Variants in ITSN1 observed in about 807,000 individuals in gnomAD.
ITSN1 encodes intersectin-1.
ITSN1 carries 58 observed loss-of-function variants against 239.8 expected under a neutral mutation model. The ratio of observed to expected loss-of-function variants is 0.24; its 90% confidence interval spans 0.20 to 0.30. ITSN1 has a LOEUF of 0.30. ITSN1 is among the 10% of genes least tolerant of loss of function. The pLI is 1.00. For missense variants in ITSN1, 1,558 were observed against 2,103.3 expected (o/e 0.74, Z 5.07); for synonymous variants, 780 against 770.8 (o/e 1.01, Z -0.20).
intron 29 of ITSN1, 47 bp downstream of exon 29, chr21:33,836,679 C>G (rs1264308838): frequency 7.0e-7 from 1 of 1,434,280 alleles, no homozygotes; most frequent in African/African-American, 1.4e-5. Context: ...GGTATCTTCC[C>G]GTAAAACATG....
chr21:33,882,612 C>T lies in ITSN1; in HGVS notation c.4554+157C>T, dbSNP rs752423347. On this transcript the variant is annotated intron_variant, in intron 35 of 39. Transcript: ENST00000381318. This position sits in a 1 kb window ranked among gnomAD's most constrained non-coding sequence, Gnocchi z 4.5. ...GATTTAGGGTGTCCGGAGTGGAGGA[C>T]GATCCATATCCCGCCGCAGTGTCAG... Among the ~76,000 whole-genome samples, 3 of 152,038 alleles carry T rather than the reference C, an allele frequency of 2.0e-5. No individual in the cohort carries two copies. The highest frequency in any genetic ancestry group is 2.0e-4 in the Admixed American group (3 of 15,258).
rs138849968 is a variant in ITSN1, at chr21:33,797,505, C to T, written c.2079C>T (p.Gly693=). 4.1e-3 allele frequency: 6,540 copies of T among 1,614,006 alleles called. 18 individuals are homozygous for T. The highest frequency in any genetic ancestry group is 4.3e-3 in the Non-Finnish European group (5,032 of 1,180,006). ...KREESVKKKD[G]EEKGKQEAQD... ...AGGAGAGTGTCAAAAAGAAGGATGG[C>T]GAGGAAAAAGGCAAACAGGAAGCAC... is the stretch of plus-strand genomic sequence containing the variant. Residue 693 remains glycine (G), a synonymous_variant, in exon 18 of 40, where the codon GGC becomes GGT. Coordinates refer to ENST00000381318, the MANE Select transcript of ITSN1 (RefSeq NM_003024.3). The surrounding 1 kb of genome is among the most constrained non-coding windows in gnomAD (Gnocchi z 4.9).
chr21:33,688,301 A>G (rs1292818525), intron 1 of ITSN1, among the ~76,000 whole-genome samples: 4 of 152,072 alleles, frequency 2.6e-5, no homozygotes, highest in Non-Finnish European at 5.9e-5. Context: ...TTGTTTTGGT[A>G]TTTGTCTCTT....
At chr21:33,827,228 G>C (rs1212519587) in intron 26 of ITSN1, among the ~76,000 whole-genome samples, 1 of 151,954 alleles carries the variant, frequency 6.6e-6, no homozygotes, top group Non-Finnish European at 1.5e-5. Flanking sequence ...GGGAATCCCG[G>C]TCTGTACCAA....
chr21:33,819,291 C>T lies in ITSN1; in HGVS notation c.2984C>T (p.Ser995Phe). Residue 995 changes from serine (S) to phenylalanine (F), a missense_variant, in exon 24 of 40, where the codon TCT becomes TTT. Ser to Phe is a radical substitution (Grantham distance 155, BLOSUM62 -2). This residue lies in a region of ITSN1 where 982 missense variants were observed against 1,209.9 expected (regional missense o/e 0.81). Transcript: ENST00000381318. Reference sequence around the variant, plus strand: ...CCTGCTAGTCTAAAGCGAGTAGCCTCTCCAGCAGCCAAGCCGGTCGTTTCG... The same window carrying T: ...CCTGCTAGTCTAAAGCGAGTAGCCTTTCCAGCAGCCAAGCCGGTCGTTTCG... ...ESPASLKRVA[S>F]PAAKPVVSGE... 1 of 1,614,112 alleles carries T rather than the reference C, an allele frequency of 6.2e-7. No homozygotes were observed. Among genetic ancestry groups the T allele is most frequent in the East Asian group, 2.2e-5 (1 of 44,878 alleles).
intron 1 of ITSN1, among the ~76,000 whole-genome samples, chr21:33,653,861 G>A (rs748911572): frequency 1.3e-5 from 2 of 151,798 alleles, no homozygotes; most frequent in African/African-American, 4.8e-5. Flanking sequence ...TTGTTATATC[G>A]CCCAGGATGG....
chr21:33,704,868 C>G (rs955054702), intron 1 of ITSN1, among the ~76,000 whole-genome samples: 3 of 141,526 alleles, frequency 2.1e-5, no homozygotes, highest in Non-Finnish European at 4.5e-5. Context: ...GTGGGCAGAT[C>G]ACGAGGTCAG....
intron 33 of ITSN1, 88 bp from the exon 34 acceptor site, chr21:33,875,266 C>T: frequency 6.9e-7 from 1 of 1,452,638 alleles, no homozygotes; most frequent in Non-Finnish European, 9.6e-7. Context: ...GGTGCCCTGC[C>T]CCGCTGGGCC....
chr21:33,735,887 C>T (rs1321021083), intron 5 of ITSN1, among the ~76,000 whole-genome samples: 1 of 151,960 alleles, frequency 6.6e-6, no homozygotes, highest in African/African-American at 2.4e-5. Context: ...ACCTGTAATC[C>T]CAGCTACTCG....
intron 1 of ITSN1, among the ~76,000 whole-genome samples, chr21:33,652,253 C>T (rs935812301): frequency 2.0e-5 from 3 of 152,136 alleles, no homozygotes; most frequent in African/African-American, 7.3e-5. Flanking sequence ...AGGATGCGTC[C>T]TGGTGTTACT....
intron 4 of ITSN1, among the ~76,000 whole-genome samples, chr21:33,724,097 T>TTGTG (rs58227751): frequency 0.14 from 21,091 of 150,592 alleles, 1,734 homozygotes; most frequent in East Asian, 0.27. Context: ...GTGTGTGTGT[T>TTGTG]TGTGTGTGTG....
chr21:33,863,311 C>T (rs1190885323), intron 31 of ITSN1, among the ~76,000 whole-genome samples: 2 of 152,228 alleles, frequency 1.3e-5, no homozygotes, highest in Non-Finnish European at 2.9e-5. Context: ...TGCAGATGCT[C>T]TTTCTTCTTT....
chr21:33,782,789 G>A (rs2070306864), intron 16 of ITSN1, among the ~76,000 whole-genome samples: 1 of 152,152 alleles, frequency 6.6e-6, no homozygotes, highest in Non-Finnish European at 1.5e-5. Context: ...CCTTTGGGAG[G>A]CCGAGGCAGG....
intron 24 of ITSN1, 40 bp from the exon 25 acceptor site, chr21:33,823,447 A>G (rs759953133): frequency 7.0e-6 from 11 of 1,572,360 alleles, no homozygotes; most frequent in Non-Finnish European, 9.5e-6. Context: ...TTCTTTAAAC[A>G]ATCAAGCTCT....
rs376427824 is a variant in ITSN1 at position 33,792,228 on chromosome 21, C to T, written c.1825-2113C>T. On this transcript the variant is annotated intron_variant, in intron 16 of 39. Transcript: ENST00000381318. ...TTTTTATTTTTTATTTTTTTGAGAC[C>T]GATTCTTGCCTTGTCACCCAGGCTA... is the stretch of plus-strand genomic sequence containing the variant. Among the ~76,000 whole-genome samples the T allele has an allele frequency of 1.5e-4, 22 of 151,684 alleles. No individual in the cohort carries two copies. The East Asian group carries it at 4.1e-3, about 28-fold the overall frequency.
intron 14 of ITSN1, among the ~76,000 whole-genome samples, chr21:33,776,501 G>C (rs954718008): frequency 2.1e-5 from 3 of 144,662 alleles, no homozygotes; most frequent in African/African-American, 7.7e-5. Context: ...AGTGAGCTAT[G>C]ATTGAGCCAC....
intron 1 of ITSN1, among the ~76,000 whole-genome samples, chr21:33,709,572 G>A (rs1016203691): frequency 7.2e-5 from 11 of 152,218 alleles, no homozygotes; most frequent in Admixed American, 2.0e-4. Flanking sequence ...GTGAGGCACC[G>A]CGCCCAGCCT....
chr21:33,715,272 CT>C (rs1192421769), intron 1 of ITSN1, among the ~76,000 whole-genome samples: 1 of 438 alleles, frequency 2.3e-3, no homozygotes, highest in Non-Finnish European at 5.2e-3. Flanking sequence ...TCTAGGAAAT[CT>C]AAAGAGATTC....
chr21:33,835,997 G>A (rs528491285), intron 28 of ITSN1, among the ~76,000 whole-genome samples: 2 of 152,250 alleles, frequency 1.3e-5, no homozygotes, highest in South Asian at 4.2e-4. Flanking sequence ...AATTCTTGGA[G>A]GTCAAATGAT....
Sources: gnomAD v4.1 joint callset for allele counts (sites outside exome capture counted in the v4.1 genomes callset) on GRCh38, gnomAD v4.1.1 for gene constraint, gnomAD v4.1.1 regional missense constraint, Gnocchi (gnomAD v3.1) non-coding constraint, MANE v1.5 for transcripts, NCBI Gene and HGNC (gene_info 2026-07-23, HGNC 2026-07-21) for gene names.